PCDHA5: variants seen among roughly 807,000 people sequenced by gnomAD.
The protein encoded by PCDHA5 is protocadherin alpha-5.
Under a neutral mutation model 61.6 loss-of-function variants are expected in PCDHA5, and 43 were observed. The observed-to-expected ratio is 0.70, with a 90% CI of 0.55 to 0.90. The LOEUF is 0.90. Among genes scored for constraint, PCDHA5 ranks in the 40% least tolerant of loss-of-function variants. The pLI, the probability that PCDHA5 is intolerant of heterozygous loss-of-function variation, is 0.00. For missense variants in PCDHA5, 1,298 were observed against 1,222.7 expected (o/e 1.06, Z -0.92); for synonymous variants, 627 against 543.9 (o/e 1.15, Z -2.13).
intron 1 of PCDHA5, chr5:140,867,201 T>C (rs1554161078): frequency 6.6e-6 from 1 of 152,156 alleles, no homozygotes; most frequent in African/African-American, 2.4e-5. Context: ...CCACATTCCA[T>C]GTAACATCTT....
In PCDHA5 at chr5:140,860,044, T is replaced by C. The variant is rs116974556; in HGVS notation, c.2352+35917T>C. On this transcript the variant is annotated intron_variant, in intron 1 of 3. Coordinates refer to ENST00000529859, the MANE Select transcript of PCDHA5 (RefSeq NM_018908.3). The stretch of plus-strand genomic sequence containing the variant: ...TGGCTCACACCTGTAATCCCAGCAT[T>C]TTGAGAGGCCAAGGTGGGAGGATGG... 10 of 151,928 alleles carry C rather than the reference T, an allele frequency of 6.6e-5. No homozygotes were observed. In the East Asian group the frequency reaches 1.9e-3, roughly 29 times the overall value. 9.4% of individuals were successfully genotyped at this position (151,928 alleles called of 1,614,324 possible).
intron 1 of PCDHA5, chr5:140,877,281 T>TA (rs782748230): frequency 8.7e-6 from 14 of 1,613,708 alleles, no homozygotes; most frequent in Non-Finnish European, 1.2e-5. Context: ...ACTCCGGCTA[T>TA]AACGCTTGGC....
chr5:140,842,962 C>T lies in PCDHA5; in HGVS notation c.2352+18835C>T, dbSNP rs1554139576. 1.9e-6 allele frequency: 3 copies of T among 1,594,834 alleles called. 1 individual carries two copies. The African/African-American group carries it at 4.0e-5, about 21-fold the overall frequency. On this transcript the variant is annotated intron_variant, in intron 1 of 3. Transcript: ENST00000529859. ...ACGCGGGCGTGCCGCCTCTGGGCAG[C>T]AACGTGACGCTGCAGGTGTTCGTGC...
chr5:140,940,825 G>A (rs782539336), intron 1 of PCDHA5, among the ~76,000 whole-genome samples: 53 of 152,232 alleles, frequency 3.5e-4, no homozygotes, highest in South Asian at 6.2e-4. Context: ...ATCTTGGATG[G>A]AAATACCTTT....
chr5:141,007,079 TAGAGA>T (rs1308407580), intron 3 of PCDHA5, among the ~76,000 whole-genome samples: 1 of 151,804 alleles, frequency 6.6e-6, no homozygotes, highest in African/African-American at 2.4e-5. Flanking sequence ...GAAGAGAAAA[TAGAGA>T]AGAGAGTCTA....
Position 140,868,882 on chromosome 5 carries a change from T to A in PCDHA5, c.2352+44755T>A. On this transcript the variant is annotated intron_variant, in intron 1 of 3. Transcript: ENST00000529859. Reference sequence around the variant, plus strand: ...TAAATGCAGTGCACAGTACTCACAGTTTTAGGCGCAAGGTGTCGCTCTTTA... The same window carrying A: ...TAAATGCAGTGCACAGTACTCACAGATTTAGGCGCAAGGTGTCGCTCTTTA... 4 of 715,192 alleles carry A rather than the reference T, an allele frequency of 5.6e-6. No homozygotes were observed. In the South Asian group the frequency reaches 8.5e-5, roughly 15 times the overall value. 44.3% of individuals were successfully genotyped at this position (715,192 alleles called of 1,614,324 possible).
At chr5:140,901,766 A>T (rs2068897184) in intron 1 of PCDHA5, among the ~76,000 whole-genome samples, 1 of 152,188 alleles carries the variant, frequency 6.6e-6, no homozygotes, top group Admixed American at 6.5e-5. Flanking sequence ...CAGGGATTGC[A>T]TTGAATTTGT....
intron 1 of PCDHA5, among the ~76,000 whole-genome samples, chr5:140,917,334 G>A (rs1466426021): frequency 1.4e-5 from 2 of 147,744 alleles, no homozygotes; most frequent in Admixed American, 1.4e-4. Flanking sequence ...CGGGGGAGGG[G>A]GGGGATGGTG....
intron 3 of PCDHA5, among the ~76,000 whole-genome samples, chr5:141,001,710 G>A (rs1422821009): frequency 6.6e-6 from 1 of 152,208 alleles, no homozygotes; most frequent in Non-Finnish European, 1.5e-5. Flanking sequence ...AGGGGGCGGG[G>A]AAGGAGCTTG....
intron 3 of PCDHA5, among the ~76,000 whole-genome samples, chr5:140,992,190 A>C (rs1452489619): frequency 1.3e-5 from 2 of 152,134 alleles, no homozygotes; most frequent in African/African-American, 2.4e-5. Flanking sequence ...GCTTTCAGTG[A>C]TCTATCCAAT....
At chr5:140,883,240 C>G in intron 1 of PCDHA5, 1 of 1,613,998 alleles carries the variant, frequency 6.2e-7, no homozygotes, top group Non-Finnish European at 8.5e-7. Context: ...AGGCAGTTGA[C>G]AAAGGAAATA....
At chr5:140,835,667 G>A (rs2150241297) in intron 1 of PCDHA5, 2 of 1,613,924 alleles carry the variant, frequency 1.2e-6, no homozygotes, top group Non-Finnish European at 8.5e-7. Context: ...TTACCGCGCG[G>A]GACGGGGGCT....
intron 3 of PCDHA5, among the ~76,000 whole-genome samples, chr5:140,985,796 G>GTGC (rs1245486198): frequency 7.1e-6 from 1 of 140,828 alleles, no homozygotes; most frequent in Non-Finnish European, 1.5e-5. Flanking sequence ...CTGGAGTGCA[G>GTGC]TGGCACGATC....
chr5:140,827,820 A>G (rs2150149356), intron 1 of PCDHA5: 6 of 378,944 alleles, frequency 1.6e-5, no homozygotes, highest in Non-Finnish European at 2.8e-5. Context: ...AGGGTTTACT[A>G]TAAAAGTAGA....
At chr5:140,918,331 G>A (rs1429617568) in intron 1 of PCDHA5, among the ~76,000 whole-genome samples, 1 of 152,114 alleles carries the variant, frequency 6.6e-6, no homozygotes, top group Non-Finnish European at 1.5e-5. Context: ...TATATTGTCT[G>A]CTAAGAGAGA....
In PCDHA5 at chr5:140,830,255, C is replaced by T. The variant is rs142209596; in HGVS notation, c.2352+6128C>T. ...CACGCTACTGCTGTACACAGCGCTG[C>T]GGTGCTCGGCGCCACCCACCGAGGG... On this transcript the variant is annotated intron_variant, in intron 1 of 3. Coordinates refer to ENST00000529859, the MANE Select transcript of PCDHA5 (RefSeq NM_018908.3). 24 of 1,613,502 alleles carry T rather than the reference C, an allele frequency of 1.5e-5. No homozygotes were observed. In the South Asian group the frequency reaches 1.6e-4, roughly 11 times the overall value.
intron 1 of PCDHA5, chr5:140,863,244 G>A (rs1292060203): frequency 7.3e-7 from 1 of 1,361,116 alleles, no homozygotes; most frequent in Non-Finnish European, 1.0e-6. Context: ...GGGCTTTGGC[G>A]GGCGTCGAGG....
intron 1 of PCDHA5, chr5:140,850,217 C>T (rs2150473800): frequency 1.1e-5 from 17 of 1,593,592 alleles, no homozygotes; most frequent in Non-Finnish European, 1.5e-5. Flanking sequence ...GGGGCACTGA[C>T]GGCGCAGTGA....
chr5:140,867,041 C>G (rs188716908), intron 1 of PCDHA5: 1 of 152,078 alleles, frequency 6.6e-6, no homozygotes, highest in East Asian at 1.9e-4. Flanking sequence ...TATGACTTGG[C>G]GTTTGTTCAG....
Sources: gnomAD v4.1 joint callset for allele counts (sites outside exome capture counted in the v4.1 genomes callset) on GRCh38, gnomAD v4.1.1 for gene constraint, MANE v1.5 for transcripts, NCBI Gene and HGNC (gene_info 2026-07-23, HGNC 2026-07-21) for gene names.